Variants in MAPK10 observed in about 807,000 individuals in gnomAD.
MAPK10 encodes mitogen-activated protein kinase 10.
MAPK10 carries 25 observed loss-of-function variants against 59.3 expected under a neutral mutation model. The ratio of observed to expected loss-of-function variants is 0.42; its 90% confidence interval spans 0.31 to 0.59. The LOEUF is 0.59. MAPK10 is among the 20% of genes least tolerant of loss of function. The probability of loss-of-function intolerance (pLI) is 0.15; values close to 1 mark genes in which losing one functional copy is unlikely to be tolerated. For missense variants in MAPK10, 351 were observed against 568.9 expected (o/e 0.62, Z 3.90); for synonymous variants, 190 against 200.5 (o/e 0.95, Z 0.44).
intron 1 of MAPK10, among the ~76,000 whole-genome samples, chr4:86,529,557 T>G (rs1293582314): frequency 2.0e-5 from 3 of 152,186 alleles, no homozygotes; most frequent in African/African-American, 7.2e-5. Flanking sequence ...TTATTTTTCT[T>G]TTCAAGTTAT....
At chr4:86,333,894 C>T (rs1451053418) in intron 2 of MAPK10, among the ~76,000 whole-genome samples, 1 of 151,930 alleles carries the variant, frequency 6.6e-6, no homozygotes, top group Non-Finnish European at 1.5e-5. Context: ...TAACTTTTAC[C>T]ACTATTATTA....
chr4:86,074,472 C>T (rs2048787738), intron 9 of MAPK10, among the ~76,000 whole-genome samples: 1 of 148,080 alleles, frequency 6.8e-6, no homozygotes, highest in Admixed American at 6.7e-5. Flanking sequence ...TTAGTTGATG[C>T]AGTTTCTTCC....
At chr4:86,108,898 C>T (rs1345585226) in intron 4 of MAPK10, among the ~76,000 whole-genome samples, 3 of 152,120 alleles carry the variant, frequency 2.0e-5, no homozygotes, top group African/African-American at 4.8e-5. Context: ...CATTTTTCCC[C>T]TAAGTCTTTA....
chr4:86,044,741 T>C (rs1204177483), intron 11 of MAPK10: 1 of 397,614 alleles, frequency 2.5e-6, no homozygotes, highest in Non-Finnish European at 4.4e-6. Flanking sequence ...AGCCTCATAA[T>C]GCGTCACAGG....
In MAPK10 at chr4:86,107,328, G is replaced by C; in HGVS notation, c.261C>G (p.Asp87Glu). 6.2e-7 allele frequency: 1 copy of C among 1,613,146 alleles called. No homozygotes were observed. The highest frequency in any genetic ancestry group is 8.5e-7 in the Non-Finnish European group (1 of 1,179,386). The change falls in exon 5 of 14, where the codon GAC (aspartate) becomes GAG (glutamate). Residue 87 changes from aspartate (D) to glutamate (E), a missense_variant. Transcript: ENST00000641462. ...TGAGCTTCTTAATGGCCACATTTCT[G>C]TCAAGGACAGCATCATACGCGGCAC... is the stretch of plus-strand genomic sequence containing the variant. ...IVCAAYDAVL[D>E]RNVAIKKLSR...
chr4:86,102,183 A>C, intron 6 of MAPK10, 151 bp from the exon 7 acceptor site: 1 of 676,870 alleles, frequency 1.5e-6, no homozygotes, highest in Non-Finnish European at 2.6e-6. Flanking sequence ...CAGGTATTGC[A>C]TGTGTGTTAG....
chr4:86,436,227 T>C (rs879870775), intron 1 of MAPK10, among the ~76,000 whole-genome samples: 10 of 152,196 alleles, frequency 6.6e-5, no homozygotes, highest in Non-Finnish European at 1.2e-4. Flanking sequence ...GAGTAACTCC[T>C]GGGTGGCCAA....
intron 2 of MAPK10, among the ~76,000 whole-genome samples, chr4:86,323,016 A>C (rs2095935384): frequency 6.6e-6 from 1 of 152,126 alleles, no homozygotes; most frequent in Non-Finnish European, 1.5e-5. Flanking sequence ...CTCTATTAAA[A>C]ATACAAAAAT....
intron 1 of MAPK10, among the ~76,000 whole-genome samples, chr4:86,366,333 T>C (rs1578924912): frequency 6.6e-6 from 1 of 152,264 alleles, no homozygotes; most frequent in South Asian, 2.1e-4. Context: ...GTGAGTTATA[T>C]GGGTATATGC....
At chr4:86,502,891 C>CT (rs1226047389) in intron 1 of MAPK10, among the ~76,000 whole-genome samples, 1 of 152,028 alleles carries the variant, frequency 6.6e-6, no homozygotes, top group Non-Finnish European at 1.5e-5. Context: ...AAATAACAGA[C>CT]TTTTTTGTGA....
chr4:86,317,962 C>A (rs947664060), intron 2 of MAPK10, among the ~76,000 whole-genome samples: 2 of 152,164 alleles, frequency 1.3e-5, no homozygotes, highest in Admixed American at 1.3e-4. Context: ...CCTTGGAGTT[C>A]TCTGCCTTGT....
rs922517962 is a variant in MAPK10 at position 86,228,812 on chromosome 4, G to A, written c.-6-34405C>T. Reference sequence around the variant, plus strand: ...TGAATGAATGAAGACAGATTCCCGGGTAAGCTATGATTTCTCTCAGTCTAG... The same window carrying A: ...TGAATGAATGAAGACAGATTCCCGGATAAGCTATGATTTCTCTCAGTCTAG... On this transcript the variant is annotated intron_variant, in intron 2 of 13. Coordinates refer to ENST00000641462, the MANE Select transcript of MAPK10 (RefSeq NM_138982.4). Among the ~76,000 whole-genome samples the A allele has an allele frequency of 3.9e-5, 6 of 152,244 alleles. No homozygotes were observed. The South Asian group carries it at 1.0e-3, about 26-fold the overall frequency.
chr4:86,041,804 A>T (rs182038524), intron 11 of MAPK10, among the ~76,000 whole-genome samples: 2 of 152,312 alleles, frequency 1.3e-5, no homozygotes, highest in Admixed American at 6.5e-5. Flanking sequence ...GGTGATTATT[A>T]AAAAGGAAAC....
At chr4:86,107,468 T>C (rs1187770986) in intron 4 of MAPK10, 116 bp from the exon 5 acceptor site, 1 of 1,407,872 alleles carries the variant, frequency 7.1e-7, no homozygotes, top group Admixed American at 2.8e-5. Flanking sequence ...AGATACTGTC[T>C]ACTCTGGTCA....
intron 2 of MAPK10, chr4:86,326,833 C>A (rs902424987): frequency 6.6e-6 from 1 of 152,156 alleles, no homozygotes; most frequent in Admixed American, 6.5e-5. Flanking sequence ...CACACAATTA[C>A]TTGATTTTAA....
chr4:86,538,168 C>T lies in MAPK10; in HGVS notation c.-263+55742G>A, dbSNP rs572747965. Among the ~76,000 whole-genome samples the T allele has an allele frequency of 2.3e-3, 337 of 149,272 alleles. 1 individual carries two copies. Among genetic ancestry groups the T allele is most frequent in the Admixed American group, 3.4e-3 (51 of 14,930 alleles). ...TAATAAATCTTTTTTTTTTTTTAGA[C>T]GGAGTTTCACTCTTGTTGCCCAGGC... On this transcript the variant is annotated intron_variant, in intron 1 of 4. Transcript: ENST00000502302.
At chr4:86,396,884 C>G (rs1398697723) in intron 1 of MAPK10, among the ~76,000 whole-genome samples, 6 of 152,134 alleles carry the variant, frequency 3.9e-5, no homozygotes, top group Admixed American at 3.9e-4. Context: ...TGTGAGCAAA[C>G]TATAACACTT....
intron 9 of MAPK10, among the ~76,000 whole-genome samples, chr4:86,072,108 A>G (rs1184056287): frequency 2.1e-4 from 32 of 150,276 alleles, no homozygotes; most frequent in African/African-American, 7.9e-4. Context: ...GGTCCTTCAC[A>G]TCCCTTGTAA....
At chr4:86,460,999 G>C (rs2149061126) in intron 1 of MAPK10, among the ~76,000 whole-genome samples, 1 of 152,222 alleles carries the variant, frequency 6.6e-6, no homozygotes, top group African/African-American at 2.4e-5. Flanking sequence ...AGCACCACTG[G>C]GTTAGGGTCT....
Sources: gnomAD v4.1 joint callset for allele counts (sites outside exome capture counted in the v4.1 genomes callset) on GRCh38, gnomAD v4.1.1 for gene constraint, MANE v1.5 for transcripts, NCBI Gene and HGNC (gene_info 2026-07-23, HGNC 2026-07-21) for gene names.